Variants in ARAP2 observed in about 807,000 individuals in gnomAD.
The protein encoded by ARAP2 is arf-GAP with Rho-GAP domain, ANK repeat and PH domain-containing protein 2.
In ARAP2, 148 loss-of-function variants were observed where a neutral mutation model predicts 194.5. The observed-to-expected ratio is 0.76, with a 90% CI of 0.67 to 0.87. The LOEUF is 0.87. Ranked by LOEUF, ARAP2 falls within the 40% of genes least tolerant of loss-of-function variation. ARAP2 has a pLI of 0.00. For synonymous variants in ARAP2, 695 were observed against 683.5 expected (o/e 1.02, Z -0.26); for missense variants, 2,128 against 1,989.7 (o/e 1.07, Z -1.32).
In ARAP2 at chr4:36,244,412, G is replaced by A. The variant is rs924558281; in HGVS notation, c.-393C>T. On this transcript the variant is annotated 5_prime_UTR_variant, in exon 1 of 33. Coordinates refer to ENST00000303965, the MANE Select transcript of ARAP2 (RefSeq NM_015230.4). The stretch of plus-strand genomic sequence containing the variant: ...GTCGCGGCCGCCGCACCTGGAGGCG[G>A]GGAGCGCGGGCCGCGGACCCGCGCT... The A allele has an allele frequency of 7.3e-5, 11 of 150,158 alleles. No individual in the cohort carries two copies. Among genetic ancestry groups the A allele is most frequent in the African/African-American group, 2.7e-4 (11 of 41,154 alleles). 9.3% of individuals were successfully genotyped at this position (150,158 alleles called of 1,614,324 possible).
intron 9 of ARAP2, among the ~76,000 whole-genome samples, chr4:36,177,489 A>G (rs1216597517): frequency 6.6e-6 from 1 of 152,136 alleles, no homozygotes; most frequent in Non-Finnish European, 1.5e-5. Flanking sequence ...CTATTTCATC[A>G]ACAGCTGTAA....
chr4:36,134,735 TACACAC>T (rs71199697), intron 19 of ARAP2, among the ~76,000 whole-genome samples: 4 of 148,164 alleles, frequency 2.7e-5, no homozygotes, highest in East Asian at 4.0e-4. Flanking sequence ...CACACACAAA[TACACAC>T]ACACACACAC....
At chr4:36,125,046 AAC>A in intron 21 of ARAP2, 79 bp from the exon 22 acceptor site, 2 of 848,740 alleles carry the variant, frequency 2.4e-6, no homozygotes, top group Non-Finnish European at 3.8e-6. Flanking sequence ...AGTATTGTAA[AAC>A]AGTCACAAAC....
Position 36,228,990 on chromosome 4 carries a change from A to G in ARAP2, c.497T>C (p.Leu166Ser), listed in dbSNP as rs764956044. ...GTCACTACCAAATAAAGAATCATTCAAAGAACCCAAATTCAGGTGTGGTTC... is the reference window on the plus strand; with the variant it reads ...GTCACTACCAAATAAAGAATCATTCGAAGAACCCAAATTCAGGTGTGGTTC... ...AEEPHLNLGSLNDSLFGSDNI... is the reference protein window; with the variant it reads ...AEEPHLNLGSSNDSLFGSDNI... Residue 166 changes from leucine to serine, a missense_variant, in exon 2 of 33, where the codon TTG becomes TCG. By Grantham distance (145) the Leu-to-Ser change is moderately radical (BLOSUM62 -2). Coordinates refer to ENST00000303965, the MANE Select transcript of ARAP2 (RefSeq NM_015230.4). 1.1e-5 allele frequency: 18 copies of G among 1,614,126 alleles called. No individual in the cohort carries two copies. The East Asian group carries it at 3.3e-4, about 30-fold the overall frequency.
intron 7 of ARAP2, 57 bp from the exon 8 acceptor site, chr4:36,187,628 T>C: frequency 7.0e-7 from 1 of 1,434,206 alleles, no homozygotes; most frequent in Non-Finnish European, 9.3e-7. Flanking sequence ...CTTGATCTTA[T>C]CAAAAAAGAA....
chr4:36,033,814 T>A (rs1463731158), intron 5 of ARAP2, among the ~76,000 whole-genome samples: 1 of 152,166 alleles, frequency 6.6e-6, no homozygotes. Context: ...CATCTTGAGT[T>A]GATTTTTGTA....
intron 15 of ARAP2, among the ~76,000 whole-genome samples, chr4:36,158,415 T>C (rs953233912): frequency 6.6e-6 from 1 of 152,114 alleles, no homozygotes; most frequent in Non-Finnish European, 1.5e-5. Flanking sequence ...GGTGAGCCAG[T>C]TGGGGTGTCC....
chr4:36,204,634 G>C (rs1366229209), intron 6 of ARAP2, among the ~76,000 whole-genome samples: 3 of 152,024 alleles, frequency 2.0e-5, no homozygotes, highest in Non-Finnish European at 4.4e-5. Flanking sequence ...TATTTATTTT[G>C]GTTACTTCAG....
At chr4:36,083,547 C>G (rs1730108352) in intron 28 of ARAP2, 97 bp from the exon 29 acceptor site, 1 of 838,782 alleles carries the variant, frequency 1.2e-6, no homozygotes, top group Non-Finnish European at 1.8e-6. Context: ...TGTTTAGTTT[C>G]TCAGTGTTTC....
chr4:36,218,464 G>T (rs1393604941), intron 2 of ARAP2, among the ~76,000 whole-genome samples: 2 of 151,928 alleles, frequency 1.3e-5, no homozygotes, highest in Non-Finnish European at 2.9e-5. Flanking sequence ...AGATCCAATT[G>T]CATTTAAGCC....
At chr4:36,100,981 T>C (rs1033998789) in intron 27 of ARAP2, among the ~76,000 whole-genome samples, 8 of 151,802 alleles carry the variant, frequency 5.3e-5, no homozygotes, top group African/African-American at 1.7e-4. Context: ...ATTCAACCAA[T>C]AGCACATCAA....
intron 1 of ARAP2, among the ~76,000 whole-genome samples, chr4:36,237,075 TAAGGGAG>T (rs1291321286): frequency 6.6e-6 from 1 of 152,158 alleles, no homozygotes; most frequent in Non-Finnish European, 1.5e-5. Flanking sequence ...AATGACAAAT[TAAGGGAG>T]AACATCTTTG....
At chr4:36,228,322 ATAT>A (rs1355241167) in intron 2 of ARAP2, among the ~76,000 whole-genome samples, 1 of 152,212 alleles carries the variant, frequency 6.6e-6, no homozygotes, top group Non-Finnish European at 1.5e-5. Flanking sequence ...ATGGAAAGGA[ATAT>A]CCAGGTAGAA....
chr4:36,199,779 T>G (rs138803555), intron 6 of ARAP2, among the ~76,000 whole-genome samples: 141 of 152,340 alleles, frequency 9.3e-4, no homozygotes, highest in Middle Eastern at 3.4e-3. Flanking sequence ...ATGGTGACTA[T>G]AGCTAATAAT....
chr4:36,124,799 A>C, intron 22 of ARAP2, 63 bp downstream of exon 22: 1 of 1,023,824 alleles, frequency 9.8e-7, no homozygotes, highest in Non-Finnish European at 1.5e-6. Context: ...CAATCACATA[A>C]GAAATAATGA....
intron 19 of ARAP2, among the ~76,000 whole-genome samples, chr4:36,137,465 CAT>C (rs1727122829): frequency 6.6e-6 from 1 of 151,774 alleles, no homozygotes; most frequent in African/African-American, 2.4e-5. Flanking sequence ...AACTCATGGA[CAT>C]TTTGTTTCCT....
chr4:36,220,954 T>C (rs1351555978), intron 2 of ARAP2, among the ~76,000 whole-genome samples: 3 of 152,076 alleles, frequency 2.0e-5, no homozygotes, highest in African/African-American at 7.2e-5. Flanking sequence ...ACGTCTACAG[T>C]GGTGTAATGT....
intron 4 of ARAP2, among the ~76,000 whole-genome samples, 156 bp from the exon 5 acceptor site, chr4:36,212,643 AAGTT>A (rs961935783): frequency 2.4e-4 from 35 of 146,780 alleles, no homozygotes; most frequent in African/African-American, 6.5e-4. Flanking sequence ...TCAGAAAAAA[AAGTT>A]AGTCTACATT....
At chr4:36,079,787 A>G (rs1255469397) in intron 31 of ARAP2, among the ~76,000 whole-genome samples, 3 of 152,182 alleles carry the variant, frequency 2.0e-5, no homozygotes, top group African/African-American at 7.2e-5. Flanking sequence ...CACAATAGTT[A>G]TTAAAGAAAA....
Sources: allele counts gnomAD v4.1 joint callset (sites outside exome capture counted in the v4.1 genomes callset), GRCh38; gene constraint gnomAD v4.1.1; transcripts MANE v1.5; gene names NCBI Gene and HGNC (gene_info 2026-07-23, HGNC 2026-07-21).